NIPAL2: variants seen among roughly 807,000 people sequenced by gnomAD.
The protein encoded by NIPAL2 is NIPA like domain containing 2.
A neutral mutation model predicts 48.9 loss-of-function variants in NIPAL2; 43 were observed. The observed-to-expected ratio is 0.88, with a 90% CI of 0.69 to 1.13. The LOEUF (loss-of-function observed/expected upper bound fraction) is 1.13, where lower values mean the gene tolerates loss of function less well. Ranked by LOEUF, NIPAL2 falls within the 50% of genes most tolerant of loss-of-function variation. NIPAL2 has a pLI of 0.00. For missense variants in NIPAL2, 446 were observed against 461.4 expected, an observed-to-expected ratio of 0.97 and a Z score of 0.31; for synonymous variants, 167 against 174.6, an observed-to-expected ratio of 0.96 and a Z score of 0.34.
At chr8:98,195,698 G>A in intron 9 of NIPAL2, 2 of 371,410 alleles carry the variant, frequency 5.4e-6, no homozygotes, top group South Asian at 5.4e-5. Context: ...GATGTATCTT[G>A]TCTTTGGCCT....
chr8:98,265,568 A>G (rs1260113714), intron 1 of NIPAL2, among the ~76,000 whole-genome samples: 3 of 128,468 alleles, frequency 2.3e-5, no homozygotes, highest in Non-Finnish European at 1.6e-5. Context: ...AATGCAAATC[A>G]AAACCACAAT....
chr8:98,260,517 G>A (rs1032149510), intron 1 of NIPAL2, among the ~76,000 whole-genome samples: 7 of 152,150 alleles, frequency 4.6e-5, no homozygotes, highest in Admixed American at 1.3e-4. Flanking sequence ...AAGGGGTGAC[G>A]GACGGCACCT....
intron 4 of NIPAL2, among the ~76,000 whole-genome samples, chr8:98,225,128 C>T (rs551829313): frequency 4.0e-4 from 61 of 152,288 alleles, no homozygotes; most frequent in African/African-American, 1.3e-3. Flanking sequence ...GCATCTGCTA[C>T]GTAACTATGG....
chr8:98,274,619 G>T (rs115669270), intron 1 of NIPAL2, among the ~76,000 whole-genome samples: 1,711 of 151,810 alleles, frequency 0.011, 44 homozygotes, highest in African/African-American at 0.039. Context: ...TCACTCTTTT[G>T]ATATTTCCTC....
At chr8:98,266,377 G>T (rs1226144189) in intron 1 of NIPAL2, among the ~76,000 whole-genome samples, 1 of 151,880 alleles carries the variant, frequency 6.6e-6, no homozygotes, top group Non-Finnish European at 1.5e-5. Flanking sequence ...TGAGATGGGC[G>T]GATTGCCTGA....
chr8:98,223,191 A>T (rs1811993819), intron 4 of NIPAL2, among the ~76,000 whole-genome samples: 1 of 152,224 alleles, frequency 6.6e-6, no homozygotes, highest in Non-Finnish European at 1.5e-5. Context: ...GCTTTGCTGT[A>T]GGAGTTTAAT....
chr8:98,197,650 C>T (rs193127036), intron 8 of NIPAL2, among the ~76,000 whole-genome samples: 9 of 152,342 alleles, frequency 5.9e-5, no homozygotes, highest in Non-Finnish European at 1.2e-4. Flanking sequence ...TATTCTAAAT[C>T]CTTTGTTTTC....
chr8:98,212,077 G>A (rs1474945095), intron 6 of NIPAL2, among the ~76,000 whole-genome samples: 1 of 152,110 alleles, frequency 6.6e-6, no homozygotes, highest in Non-Finnish European at 1.5e-5. Flanking sequence ...TGACACAAGA[G>A]TTTTAATTGG....
chr8:98,278,901 C>A (rs1359274775), intron 1 of NIPAL2, among the ~76,000 whole-genome samples: 2 of 151,904 alleles, frequency 1.3e-5, no homozygotes, highest in Admixed American at 1.3e-4. Flanking sequence ...AAAATTTGTC[C>A]CAGAGTTCAG....
intron 1 of NIPAL2, among the ~76,000 whole-genome samples, chr8:98,287,234 T>G (rs1195790211): frequency 6.6e-6 from 1 of 152,218 alleles, no homozygotes; most frequent in Non-Finnish European, 1.5e-5. Flanking sequence ...ATGATGACAC[T>G]ATTGCCACCA....
In NIPAL2 at chr8:98,280,736, C is replaced by CTATATA. The variant is rs71572005; in HGVS notation, c.135+13261_135+13266dup. ...CCTCTGACTTTCAAATAGTCCATTACTATATATATATATATATATATATAT... is the reference window on the plus strand; with the variant it reads ...CCTCTGACTTTCAAATAGTCCATTACTATATATATATATATATATATATATATATAT... On this transcript the variant is annotated intron_variant, in intron 1 of 10. Transcript: ENST00000430223. 3.2e-3 allele frequency among the ~76,000 whole-genome samples: 123 copies of CTATATA among 39,004 alleles called. 4 individuals carry two copies. The highest frequency in any genetic ancestry group is 6.8e-3 in the East Asian group (15 of 2,210). 25.6% of individuals were successfully genotyped at this position (39,004 alleles called of 152,430 possible).
intron 3 of NIPAL2, among the ~76,000 whole-genome samples, chr8:98,243,150 T>G (rs1345369604): frequency 6.6e-6 from 1 of 152,146 alleles, no homozygotes; most frequent in Non-Finnish European, 1.5e-5. Flanking sequence ...TGCATCCAGT[T>G]GCCCTTGAAG....
chr8:98,242,251 C>G (rs1293208529), intron 3 of NIPAL2, among the ~76,000 whole-genome samples: 7 of 151,966 alleles, frequency 4.6e-5, no homozygotes, highest in Non-Finnish European at 4.4e-5. Flanking sequence ...GCAACCATGG[C>G]TCGCTGCAGC....
chr8:98,269,255 T>C (rs778200087), intron 1 of NIPAL2, among the ~76,000 whole-genome samples: 2 of 152,240 alleles, frequency 1.3e-5, no homozygotes, highest in Non-Finnish European at 2.9e-5. Context: ...GCATATGGAA[T>C]GGTGAACCCT....
chr8:98,293,947 C>T (rs1816626754), intron 1 of NIPAL2, 56 bp downstream of exon 1: 2 of 1,356,040 alleles, frequency 1.5e-6, no homozygotes, highest in East Asian at 3.1e-5. Context: ...GCGCCCGGAG[C>T]CAGCCGCCCT....
rs758739262 is a variant in NIPAL2 at position 98,236,225 on chromosome 8, A to T, written c.377-11T>A. 1.3e-6 allele frequency: 2 copies of T among 1,591,042 alleles called. No individual in the cohort carries two copies. The highest frequency in any genetic ancestry group is 2.3e-5 in the South Asian group (2 of 88,598). The stretch of plus-strand genomic sequence containing the variant: ...AAATAATGGCACTACCTATAAAGAA[A>T]ATGGCCATTAGTGGTAGTTCCAATA... On this transcript the variant is annotated splice_polypyrimidine_tract_variant and intron_variant, in intron 3 of 10. Transcript: ENST00000430223.
chr8:98,274,267 A>C (rs767016162), intron 1 of NIPAL2, among the ~76,000 whole-genome samples: 9 of 151,398 alleles, frequency 5.9e-5, no homozygotes, highest in East Asian at 1.9e-4. Context: ...CTATCTATCT[A>C]TCTCTCTATC....
chr8:98,219,563 A>T (rs545858923), intron 5 of NIPAL2, among the ~76,000 whole-genome samples: 1 of 152,062 alleles, frequency 6.6e-6, no homozygotes, highest in South Asian at 2.1e-4. Context: ...ATGGAGAGGA[A>T]TTTACTTCCC....
chr8:98,275,919 A>G (rs1040150218), intron 1 of NIPAL2, among the ~76,000 whole-genome samples: 1 of 152,274 alleles, frequency 6.6e-6, no homozygotes, highest in South Asian at 2.1e-4. Flanking sequence ...AGTCATGATT[A>G]TCATTATTTT....
Sources: allele counts gnomAD v4.1 joint callset (sites outside exome capture counted in the v4.1 genomes callset), GRCh38; gene constraint gnomAD v4.1.1; transcripts MANE v1.5; gene names NCBI Gene and HGNC (gene_info 2026-07-23, HGNC 2026-07-21).